DIAPH3: variants seen among roughly 807,000 people sequenced by gnomAD.
DIAPH3 encodes diaphanous related formin 3.
In DIAPH3, 117 loss-of-function variants were observed where a neutral mutation model predicts 144.3. The observed-to-expected ratio is 0.81, with a 90% confidence interval of 0.70 to 0.95. DIAPH3 has a LOEUF of 0.95. Ranked by LOEUF, DIAPH3 falls within the 40% of genes least tolerant of loss-of-function variation. The pLI, the probability that DIAPH3 is intolerant of heterozygous loss-of-function variation, is 0.00. For missense variants in DIAPH3, 1,421 were observed against 1,412.7 expected, an observed-to-expected ratio of 1.01 and a Z score of -0.09; for synonymous variants, 519 against 488.9, an observed-to-expected ratio of 1.06 and a Z score of -0.81.
intron 7 of DIAPH3, among the ~76,000 whole-genome samples, chr13:60,011,903 T>A (rs1238742397): frequency 6.6e-6 from 1 of 152,134 alleles, no homozygotes; most frequent in East Asian, 1.9e-4. Context: ...AGATAAGTTA[T>A]GTTAATGATG....
intron 25 of DIAPH3, among the ~76,000 whole-genome samples, chr13:59,801,458 T>C (rs904823336): frequency 2.0e-5 from 3 of 152,236 alleles, no homozygotes; most frequent in Non-Finnish European, 4.4e-5. Flanking sequence ...CAAGAGTTCC[T>C]GCCTGAATAG....
chr13:59,957,711 C>A lies in DIAPH3; in HGVS notation c.2074+12233G>T, dbSNP rs1223914734. On this transcript the variant is annotated intron_variant, in intron 17 of 27. Transcript: ENST00000400324. ...AAATGTATTTATGTATATACAGATA[C>A]AGAAGATACAAAATGAAGTAAAATA... Among the ~76,000 whole-genome samples the A allele has an allele frequency of 2.0e-5, 3 of 151,976 alleles. No individual in the cohort carries two copies. In the East Asian group the frequency reaches 5.8e-4, roughly 29 times the overall value.
At chr13:59,758,951 G>GA (rs1413716027) in intron 27 of DIAPH3, among the ~76,000 whole-genome samples, 87 of 138,204 alleles carry the variant, frequency 6.3e-4, no homozygotes, top group African/African-American at 2.3e-3. Flanking sequence ...GGCTAATTTT[G>GA]AATTTTTTTT....
chr13:59,740,153 G>A lies in DIAPH3; in HGVS notation c.3319+34036C>T, dbSNP rs538488685. On this transcript the variant is annotated intron_variant, in intron 27 of 27. Coordinates refer to ENST00000400324, the MANE Select transcript of DIAPH3 (RefSeq NM_001042517.2). The stretch of plus-strand genomic sequence containing the variant: ...TATACACTCATTTATCTACTTATTC[G>A]AGGTTATGGTACAGAATTGTTTCAG... Among the ~76,000 whole-genome samples the A allele has an allele frequency of 2.6e-5, 4 of 152,148 alleles. No homozygotes were observed. In the South Asian group the frequency reaches 8.3e-4, roughly 32 times the overall value.
At chr13:59,697,860 C>T (rs537720249) in intron 27 of DIAPH3, among the ~76,000 whole-genome samples, 1 of 152,130 alleles carries the variant, frequency 6.6e-6, no homozygotes, top group South Asian at 2.1e-4. Context: ...GATTATTGTG[C>T]CAATGTCTTG....
intron 18 of DIAPH3, among the ~76,000 whole-genome samples, chr13:59,919,048 G>A (rs568788769): frequency 8.6e-5 from 13 of 150,522 alleles, no homozygotes; most frequent in South Asian, 8.4e-4. Context: ...AAATTCAGTA[G>A]AGAGCATCAA....
chr13:59,974,291 C>T lies in DIAPH3; in HGVS notation c.1650+61G>A, dbSNP rs2050548689. The T allele has an allele frequency of 3.3e-6, 4 of 1,212,320 alleles. No individual in the cohort carries two copies. In the South Asian group the frequency reaches 3.6e-5, roughly 11 times the overall value. The allele number at this position is 1,212,320 out of a possible 1,614,324, so 75.1% of individuals were successfully genotyped here. On this transcript the variant is annotated intron_variant, in intron 15 of 27. Transcript: ENST00000400324. ...ACATTTTGATGCTATGAAGATATAA[C>T]ATAACCTTTGCTCCCTCACTGTGTT...
rs139915784 is a variant in DIAPH3 at position 59,669,533 on chromosome 13, G to A, written c.3320-2687C>T. Among the ~76,000 whole-genome samples, 89 of 152,162 alleles carry A rather than the reference G, an allele frequency of 5.8e-4. 1 individual carries two copies. The East Asian group carries it at 0.015, about 26-fold the overall frequency. ...TCCTGTTAGGATGAATCAACCTTCCGAGCTCCCCTCTGAGGACAGCCCTCA... is the reference window on the plus strand; with the variant it reads ...TCCTGTTAGGATGAATCAACCTTCCAAGCTCCCCTCTGAGGACAGCCCTCA... On this transcript the variant is annotated intron_variant, in intron 27 of 27. Coordinates refer to ENST00000400324, the MANE Select transcript of DIAPH3 (RefSeq NM_001042517.2).
At chr13:59,747,976 G>C (rs7985623) in intron 27 of DIAPH3, among the ~76,000 whole-genome samples, 52,273 of 152,018 alleles carry the variant, frequency 0.34, 9,441 homozygotes, top group African/African-American at 0.44. Context: ...CCCAAATGAG[G>C]TTAGCTAGCC....
rs2034319019 is a variant in DIAPH3 at position 59,704,765 on chromosome 13, T to A, written c.3320-37919A>T. Among the ~76,000 whole-genome samples the A allele has an allele frequency of 1.3e-5, 2 of 152,230 alleles. 1 individual carries two copies. The highest frequency in any genetic ancestry group is 4.1e-4 in the South Asian group (2 of 4,834). The stretch of plus-strand genomic sequence containing the variant: ...AACAGTCTAGATGTGTAGTAGGCTA[T>A]CCCATCTAGGTTTGTGTTAGGTATG... On this transcript the variant is annotated intron_variant, in intron 27 of 27. Transcript: ENST00000400324.
At chr13:59,782,247 A>T (rs574139814) in intron 25 of DIAPH3, among the ~76,000 whole-genome samples, 1 of 152,330 alleles carries the variant, frequency 6.6e-6, no homozygotes, top group East Asian at 1.9e-4. Flanking sequence ...CTGTGATATA[A>T]TTATAATGAA....
intron 5 of DIAPH3, among the ~76,000 whole-genome samples, chr13:60,029,250 T>C (rs2054610465): frequency 6.6e-6 from 1 of 152,064 alleles, no homozygotes; most frequent in South Asian, 2.1e-4. Context: ...CCACCTCCAA[T>C]TTATCTGCAA....
chr13:59,734,793 C>A (rs2036058973), intron 27 of DIAPH3, among the ~76,000 whole-genome samples: 1 of 152,120 alleles, frequency 6.6e-6, no homozygotes, highest in African/African-American at 2.4e-5. Context: ...ATTTTATTTT[C>A]AAATTTTAAA....
chr13:59,867,303 A>C (rs2043985103), intron 21 of DIAPH3, among the ~76,000 whole-genome samples: 1 of 151,346 alleles, frequency 6.6e-6, no homozygotes, highest in Non-Finnish European at 1.5e-5. Flanking sequence ...TCTTAAAAAA[A>C]ACAACAAAAC....
At chr13:59,937,150 A>G (rs896829458) in intron 17 of DIAPH3, among the ~76,000 whole-genome samples, 6 of 151,668 alleles carry the variant, frequency 4.0e-5, no homozygotes, top group Non-Finnish European at 8.8e-5. Flanking sequence ...GCAACAGAGC[A>G]AGACTCCATC....
intron 27 of DIAPH3, among the ~76,000 whole-genome samples, chr13:59,743,233 T>C (rs1246501255): frequency 6.6e-6 from 1 of 152,114 alleles, no homozygotes; most frequent in Non-Finnish European, 1.5e-5. Context: ...GGGAGAATGA[T>C]TGGGATGTTA....
intron 4 of DIAPH3, among the ~76,000 whole-genome samples, chr13:60,051,234 T>A (rs200754821): frequency 6.8e-4 from 103 of 151,684 alleles, no homozygotes; most frequent in Middle Eastern, 3.4e-3. Flanking sequence ...GGGAAAAAAA[T>A]ATATATATAT....
chr13:60,046,812 T>C (rs906589806), intron 4 of DIAPH3, among the ~76,000 whole-genome samples: 3 of 152,318 alleles, frequency 2.0e-5, no homozygotes, highest in South Asian at 2.1e-4. Context: ...AATGAGTTCA[T>C]GTCCTTTGCA....
chr13:59,697,053 T>C (rs1378846363), intron 27 of DIAPH3, among the ~76,000 whole-genome samples: 1 of 152,044 alleles, frequency 6.6e-6, no homozygotes, highest in Non-Finnish European at 1.5e-5. Context: ...TATAACCTAA[T>C]GATAGTTGTA....
Sources: allele counts gnomAD v4.1 joint callset (sites outside exome capture counted in the v4.1 genomes callset), GRCh38; gene constraint gnomAD v4.1.1; transcripts MANE v1.5; gene names NCBI Gene and HGNC (gene_info 2026-07-23, HGNC 2026-07-21).